The following TRPC1 variants were observed in gnomAD, a reference collection of about 807,000 sequenced individuals.
TRPC1 encodes the protein short transient receptor potential channel 1.
A neutral mutation model predicts 88.2 loss-of-function variants in TRPC1; 42 were observed. The observed-to-expected ratio is 0.48, with a 90% CI of 0.37 to 0.62. The LOEUF (loss-of-function observed/expected upper bound fraction) is 0.62. Among genes scored for constraint, TRPC1 ranks in the 20% least tolerant of loss-of-function variants. TRPC1 has a pLI of 0.00. For missense variants in TRPC1, 699 were observed against 957.3 expected (o/e 0.73, Z 3.56); for synonymous variants, 288 against 331.8 (o/e 0.87, Z 1.43).
At chr3:142,753,837 A>G (rs376832840) in intron 4 of TRPC1, among the ~76,000 whole-genome samples, 1 of 152,124 alleles carries the variant, frequency 6.6e-6, no homozygotes, top group Non-Finnish European at 1.5e-5. Flanking sequence ...GCTCACGCCT[A>G]TAATCCTAGC....
chr3:142,806,386 ATG>A lies in TRPC1; in HGVS notation c.*153_*154del. On this transcript the variant is annotated 3_prime_UTR_variant, in exon 13 of 13. Transcript: ENST00000476941. ...AATATTTATAGCATAAATATATGTT[ATG>A]TAAAGTGTGTATATAGAATTAGTTT... 4.3e-6 allele frequency: 3 copies of A among 698,114 alleles called. No homozygotes were observed. Among genetic ancestry groups the A allele is most frequent in the Non-Finnish European group, 6.8e-6 (3 of 441,154 alleles). 43.2% of individuals were successfully genotyped at this position (698,114 alleles called of 1,614,324 possible).
At chr3:142,743,653 A>AT (rs1295021975) in intron 3 of TRPC1, 67 bp downstream of exon 3, 2 of 959,334 alleles carry the variant, frequency 2.1e-6, no homozygotes, top group Non-Finnish European at 2.8e-6. Context: ...CCCCATTGCC[A>AT]TTTTTTCCTT....
intron 1 of TRPC1, among the ~76,000 whole-genome samples, chr3:142,730,973 G>A (rs1173996109): frequency 2.0e-5 from 3 of 152,072 alleles, no homozygotes; most frequent in Non-Finnish European, 4.4e-5. Context: ...AAAATCAAAC[G>A]AGATGCTAAT....
intron 9 of TRPC1, 60 bp downstream of exon 9, chr3:142,793,027 T>A: frequency 1.4e-6 from 2 of 1,387,766 alleles, no homozygotes; most frequent in Admixed American, 2.3e-5. Context: ...TACATCTTTC[T>A]CCTTGTCCAG....
intron 4 of TRPC1, among the ~76,000 whole-genome samples, chr3:142,757,825 T>A (rs554116351): frequency 5.2e-4 from 79 of 151,878 alleles, no homozygotes; most frequent in African/African-American, 1.1e-3. Flanking sequence ...TAAAAAAAAA[T>A]TTTTTTGTGG....
At position 142,741,469 on chromosome 3, in the gene TRPC1, G is replaced by C. The variant is rs368168044; in HGVS notation, c.328-2016G>C. On this transcript the variant is annotated intron_variant, in intron 2 of 12. Transcript: ENST00000476941. ...TAATTATTTTACTTTGCTTCATATG[G>C]TCTGAAACTATTAACATGTTTGTCC... Among the ~76,000 whole-genome samples, 15 of 152,138 alleles carry C rather than the reference G, an allele frequency of 9.9e-5. No individual in the cohort carries two copies. The South Asian group carries it at 3.1e-3, about 32-fold the overall frequency.
chr3:142,745,513 G>A (rs1017058279), intron 3 of TRPC1, among the ~76,000 whole-genome samples: 39 of 152,040 alleles, frequency 2.6e-4, no homozygotes, highest in African/African-American at 7.5e-4. Flanking sequence ...GCGTGGTGCC[G>A]TGCACCTGTC....
chr3:142,728,172 G>GT (rs1193399708), intron 1 of TRPC1, among the ~76,000 whole-genome samples: 2 of 152,090 alleles, frequency 1.3e-5, no homozygotes, highest in Non-Finnish European at 2.9e-5. Flanking sequence ...CGGTAAATGA[G>GT]TTAGAAGCCC....
intron 4 of TRPC1, among the ~76,000 whole-genome samples, chr3:142,752,379 G>C (rs878981137): frequency 6.6e-6 from 1 of 152,286 alleles, no homozygotes; most frequent in Non-Finnish European, 1.5e-5. Flanking sequence ...ACGTAGGCCA[G>C]ATTTATGTTT....
rs1936797256 is a variant in TRPC1, at chr3:142,806,466, A to G, written c.*231A>G. On this transcript the variant is annotated 3_prime_UTR_variant, in exon 13 of 13. Coordinates refer to ENST00000476941, the MANE Select transcript of TRPC1 (RefSeq NM_001251845.2). ...CAGAAGCAAAACAGATTAAGTAGAT[A>G]GATTTTGTTAGCATGCTGCTTGGTT... is the stretch of plus-strand genomic sequence containing the variant. 3.2e-6 allele frequency: 1 copy of G among 310,818 alleles called. No homozygotes were observed. The highest frequency in any genetic ancestry group is 2.2e-5 in the African/African-American group (1 of 46,086). 19.3% of individuals were successfully genotyped at this position (310,818 alleles called of 1,614,324 possible).
intron 4 of TRPC1, among the ~76,000 whole-genome samples, chr3:142,750,562 T>G (rs1224011973): frequency 6.6e-6 from 1 of 152,226 alleles, no homozygotes; most frequent in Non-Finnish European, 1.5e-5. Flanking sequence ...ATCCCATTAC[T>G]GGATATATAC....
At chr3:142,787,079 C>A (rs1339586822) in intron 7 of TRPC1, among the ~76,000 whole-genome samples, 1 of 152,128 alleles carries the variant, frequency 6.6e-6, no homozygotes, top group Non-Finnish European at 1.5e-5. Flanking sequence ...CATGGGTACC[C>A]CCTTACACAC....
At chr3:142,768,417 A>G (rs1935470364) in intron 4 of TRPC1, among the ~76,000 whole-genome samples, 1 of 152,072 alleles carries the variant, frequency 6.6e-6, no homozygotes, top group Non-Finnish European at 1.5e-5. Flanking sequence ...TACCTCTCTC[A>G]TGGTTACTGA....
rs1224518531 is a variant in TRPC1, at chr3:142,767,749, C to T, written c.633-9883C>T. Among the ~76,000 whole-genome samples, 2 of 151,726 alleles carry T rather than the reference C, an allele frequency of 1.3e-5. No homozygotes were observed. The highest frequency in any genetic ancestry group is 4.8e-5 in the African/African-American group (2 of 41,384). ...CAGCTGGTGGCAACTACTAAATCTA[C>T]TTTCTGTCCCTACGGATGTACCTGT... is the stretch of plus-strand genomic sequence containing the variant. On this transcript the variant is annotated intron_variant, in intron 4 of 12. Coordinates refer to ENST00000476941, the MANE Select transcript of TRPC1 (RefSeq NM_001251845.2). The surrounding 1 kb of genome is among the most constrained non-coding windows in gnomAD (Gnocchi z 5.1).
At chr3:142,746,374 A>G (rs1419772670) in intron 3 of TRPC1, among the ~76,000 whole-genome samples, 1 of 152,184 alleles carries the variant, frequency 6.6e-6, no homozygotes, top group Non-Finnish European at 1.5e-5. Context: ...TTCATAAGAA[A>G]CATGAGGACC....
At chr3:142,764,207 A>T (rs1935309965) in intron 4 of TRPC1, among the ~76,000 whole-genome samples, 1 of 151,228 alleles carries the variant, frequency 6.6e-6, no homozygotes, top group Non-Finnish European at 1.5e-5. Flanking sequence ...TATATTACCT[A>T]TTTCTTAACA....
At chr3:142,789,546 C>A in intron 7 of TRPC1, among the ~76,000 whole-genome samples, 1 of 152,016 alleles carries the variant, frequency 6.6e-6, no homozygotes, top group South Asian at 2.1e-4. Flanking sequence ...CTTGTGTTTC[C>A]CAGGGGAATT....
chr3:142,776,016 T>G lies in TRPC1; in HGVS notation c.633-1616T>G, dbSNP rs1364988070. 6.6e-6 allele frequency among the ~76,000 whole-genome samples: 1 copy of G among 152,226 alleles called. No homozygotes were observed. Among genetic ancestry groups the G allele is most frequent in the African/African-American group, 2.4e-5 (1 of 41,464 alleles). On this transcript the variant is annotated intron_variant, in intron 4 of 12. Transcript: ENST00000476941. This position sits in a 1 kb window ranked among gnomAD's most constrained non-coding sequence, Gnocchi z 4.1. ...ATGCAAACTGAAGAATATTCATTGC[T>G]GCATTTTTTATAGCAGAAAAAAATT...
At chr3:142,733,543 A>C (rs374150516) in intron 1 of TRPC1, among the ~76,000 whole-genome samples, 2 of 152,252 alleles carry the variant, frequency 1.3e-5, no homozygotes, top group East Asian at 3.9e-4. Flanking sequence ...TAAAGCTGGA[A>C]TATATGATAT....
Sources: allele counts gnomAD v4.1 joint callset (sites outside exome capture counted in the v4.1 genomes callset), GRCh38; gene constraint gnomAD v4.1.1; non-coding constraint Gnocchi (gnomAD v3.1); transcripts MANE v1.5; gene names NCBI Gene and HGNC (gene_info 2026-07-23, HGNC 2026-07-21).